The following SLC19A1 variants were observed in gnomAD, a reference collection of about 807,000 sequenced individuals.
The protein encoded by SLC19A1 is reduced folate transporter.
A neutral mutation model predicts 35.3 loss-of-function variants in SLC19A1; 37 were observed. That is an observed-to-expected ratio of 1.05 (90% CI 0.81 to 1.38). The LOEUF (loss-of-function observed/expected upper bound fraction) is 1.38, where lower values mean the gene tolerates loss of function less well. Among genes scored for constraint, SLC19A1 ranks in the 40% most tolerant of loss-of-function variants. The pLI, the probability that SLC19A1 is intolerant of heterozygous loss-of-function variation, is 0.00. For synonymous variants in SLC19A1, 460 were observed against 398.5 expected (o/e 1.15, Z -1.84); for missense variants, 831 against 826.9 (o/e 1.00, Z -0.06).
upstream of SLC19A1, chr21:45,543,707 T>G (rs1423036393): frequency 1.3e-5 from 2 of 152,438 alleles, no homozygotes; most frequent in Non-Finnish European, 2.9e-5. Context: ...AAAGGATTTG[T>G]TGGCTGGAAA....
downstream of SLC19A1, chr21:45,509,644 C>A (rs748548276): frequency 1.9e-6 from 2 of 1,028,150 alleles, no homozygotes; most frequent in Non-Finnish European, 2.9e-6. Context: ...TCTAGCCCCT[C>A]GGCTCTCGGC....
chr21:45,537,952 G>T lies in SLC19A1; in HGVS notation c.8C>A (p.Pro3His). MV[P>H]SSPAVEKQVP... ...CTGCTTCTCCACCGCTGGGCTGGAG[G>T]GCACCATCCTGCTCAGGCCACGTGC... Residue 3 changes from proline to histidine, a missense_variant, in exon 2 of 6, where the codon CCC becomes CAC. Transcript: ENST00000311124. 6.4e-7 allele frequency: 1 copy of T among 1,569,312 alleles called. No homozygotes were observed.
chr21:45,546,301 G>C (rs776640690), upstream of SLC19A1, among the ~76,000 whole-genome samples: 1 of 152,256 alleles, frequency 6.6e-6, no homozygotes, highest in Non-Finnish European at 1.5e-5. Context: ...CGGAGCTCCT[G>C]GCTTCCGCAT....
At chr21:45,504,451 AG>A in intron 3 of SLC19A1, 2 of 1,611,560 alleles carry the variant, frequency 1.2e-6, no homozygotes, top group Non-Finnish European at 1.7e-6. Context: ...CAGGACAGAA[AG>A]GCGAAAGGGG....
At position 45,531,537 on chromosome 21, in the gene SLC19A1, C is replaced by T. The variant is rs1157011283; in HGVS notation, c.801G>A (p.Leu267=). ...AGACCCACCAGAGGGACCACAGGCG[C>T]AGCTGCGGCCGCCGCAGGCTGTCCC... ...ELGDSLRRPQ[L]RLWSLWWVFN... The change falls in exon 3 of 6, where the codon CTG becomes CTA. Residue 267 remains leucine, a synonymous_variant. Transcript: ENST00000311124. 2 of 1,612,434 alleles carry T rather than the reference C, an allele frequency of 1.2e-6. No homozygotes were observed. The highest frequency in any genetic ancestry group is 2.2e-5 in the East Asian group (1 of 44,878).
At chr21:45,547,404 T>C (rs2078425423), upstream of SLC19A1, among the ~76,000 whole-genome samples, 1 of 152,226 alleles carries the variant, frequency 6.6e-6, no homozygotes, top group Non-Finnish European at 1.5e-5. Context: ...TACTCGTCAT[T>C]ATACCTGACC....
At chr21:45,539,839 G>A (rs1047016366) in intron 1 of SLC19A1, among the ~76,000 whole-genome samples, 3 of 152,216 alleles carry the variant, frequency 2.0e-5, no homozygotes, top group African/African-American at 7.2e-5. Context: ...GGGGCCGCAG[G>A]GAAGAGGGGG....
upstream of SLC19A1, chr21:45,543,872 A>AG (rs2078380822): frequency 6.6e-6 from 1 of 152,324 alleles, no homozygotes; most frequent in South Asian, 2.1e-4. Context: ...GGAAGACAGG[A>AG]GGGGCAACGC....
Position 45,531,920 on chromosome 21 carries a change from T to G in SLC19A1, c.418A>C (p.Ile140Leu), listed in dbSNP as rs1368006308. The G allele has an allele frequency of 6.3e-7, 1 of 1,597,740 alleles. No homozygotes were observed. The highest frequency in any genetic ancestry group is 2.3e-5 in the East Asian group (1 of 43,900). Reference protein sequence around the residue: ...MAARIAYSSYIFSLVRPARYQ... With the variant: ...MAARIAYSSYLFSLVRPARYQ... The stretch of plus-strand genomic sequence containing the variant: ...CGCGCGGGCCGCACGAGAGAGAAGA[T>G]GTAGGAGGAATAGGCGATGCGCGCG... The change falls in exon 3 of 6, where the codon ATC becomes CTC. Residue 140 changes from isoleucine to leucine, a missense_variant. By Grantham distance (5) the Ile-to-Leu change is conservative (BLOSUM62 2). Transcript: ENST00000311124.
rs1455806228 is a variant in SLC19A1, at chr21:45,530,990, G to A, written c.950-19C>T. 18 of 1,435,406 alleles carry A rather than the reference G, an allele frequency of 1.3e-5. No individual in the cohort carries two copies. Among genetic ancestry groups the A allele is most frequent in the East Asian group, 2.8e-5 (1 of 36,080 alleles). 88.9% of individuals were successfully genotyped at this position (1,435,406 alleles called of 1,614,324 possible). ...ATGGCGCCTGAGAGGGGAGGGATGG[G>A]GCGTTGCAGCGGCCCTGGGGGGCCA... On this transcript the variant is annotated intron_variant, in intron 3 of 5. Coordinates refer to ENST00000311124, the MANE Select transcript of SLC19A1 (RefSeq NM_194255.4). This position sits in a 1 kb window ranked among gnomAD's most constrained non-coding sequence, Gnocchi z 5.3.
intron 5 of SLC19A1, among the ~76,000 whole-genome samples, chr21:45,520,035 AAATT>A (rs1284097475): frequency 2.0e-5 from 3 of 152,234 alleles, no homozygotes; most frequent in Non-Finnish European, 2.9e-5. Context: ...ATCAAAAAAG[AAATT>A]AATAACAGAA....
In SLC19A1 at chr21:45,531,696, G is replaced by A. The variant is rs377054329; in HGVS notation, c.642C>T (p.Arg214=). ...KRPKRSLFFN[R]DDRGRCETSA... ...AGGTTTCGCACCGCCCCCGGTCGTC[G>A]CGGTTGAAGAAGAGGCTGCGCTTGG... is the stretch of plus-strand genomic sequence containing the variant. The change falls in exon 3 of 6, where the codon CGC becomes CGT. Residue 214 remains arginine (R), a synonymous_variant. Transcript: ENST00000311124. 57 of 1,612,548 alleles carry A rather than the reference G, an allele frequency of 3.5e-5. No individual in the cohort carries two copies. Among genetic ancestry groups the A allele is most frequent in the Non-Finnish European group, 4.7e-5 (56 of 1,179,756 alleles).
In SLC19A1 at chr21:45,507,387, G is replaced by A. The variant is rs542999461; in HGVS notation, c.498-8775C>T. On this transcript the variant is annotated intron_variant, in intron 3 of 4. Transcript: ENST00000417954. ...GTGGACTGGGAGGGCCGGGTGCTGG[G>A]CAGGGAGCGTACCCTGGCACAGGCT... The A allele has an allele frequency of 1.1e-5, 7 of 635,252 alleles. No individual in the cohort carries two copies. The South Asian group carries it at 1.2e-4, about 11-fold the overall frequency. 39.4% of individuals were successfully genotyped at this position (635,252 alleles called of 1,614,324 possible). A position where few individuals can be genotyped will look rare whatever the true frequency, so the allele number is the denominator to read the frequency against.
chr21:45,558,954 G>A (rs1174756427), intron 1 of SLC19A1, among the ~76,000 whole-genome samples: 3 of 151,826 alleles, frequency 2.0e-5, no homozygotes, highest in African/African-American at 7.3e-5. Context: ...GATTACAGGT[G>A]CACACCACCA....
At chr21:45,524,116 G>A (rs1568983613) in intron 5 of SLC19A1, among the ~76,000 whole-genome samples, 1 of 150,718 alleles carries the variant, frequency 6.6e-6, no homozygotes, top group Non-Finnish European at 1.5e-5. Flanking sequence ...TCACCCCTGG[G>A]CCTCGGAGAC....
intron 5 of SLC19A1, among the ~76,000 whole-genome samples, chr21:45,520,746 C>G (rs2077412403): frequency 6.6e-6 from 1 of 152,202 alleles, no homozygotes; most frequent in African/African-American, 2.4e-5. Flanking sequence ...ACTAGCCGGG[C>G]ATGGTGGCTC....
At position 45,505,346 on chromosome 21, in the gene SLC19A1, T is replaced by C. The variant is rs2037132496; in HGVS notation, c.498-6734A>G. On this transcript the variant is annotated intron_variant, in intron 3 of 4. Transcript: ENST00000417954. Reference sequence around the variant, plus strand: ...GTGGCTTCGTGTTCCCACCTTGGTTTCTCTCCTGCAGCTATCAGCGTTCCC... The same window carrying C: ...GTGGCTTCGTGTTCCCACCTTGGTTCCTCTCCTGCAGCTATCAGCGTTCCC... 2 of 1,595,254 alleles carry C rather than the reference T, an allele frequency of 1.3e-6. No homozygotes were observed. The highest frequency in any genetic ancestry group is 2.2e-5 in the South Asian group (2 of 90,514).
chr21:45,506,078 G>T (rs1291111757), intron 3 of SLC19A1: 19 of 1,520,578 alleles, frequency 1.2e-5, no homozygotes, highest in African/African-American at 2.7e-5. Flanking sequence ...GCAGGTGGCA[G>T]CCAGCGCTTC....
chr21:45,555,892 G>T (rs1011588779), intron 1 of SLC19A1, among the ~76,000 whole-genome samples: 2 of 151,940 alleles, frequency 1.3e-5, no homozygotes, highest in South Asian at 2.1e-4. Flanking sequence ...ACATCACCGC[G>T]ACGCTGCGCA....
Sources: gnomAD v4.1 joint callset for allele counts (sites outside exome capture counted in the v4.1 genomes callset) on GRCh38, gnomAD v4.1.1 for gene constraint, Gnocchi (gnomAD v3.1) non-coding constraint, MANE v1.5 for transcripts, NCBI Gene and HGNC (gene_info 2026-07-23, HGNC 2026-07-21) for gene names.